The following CYP19A1 variants were observed in gnomAD, a reference collection of about 807,000 sequenced individuals.
CYP19A1 encodes the protein aromatase.
Under a neutral mutation model 44.4 loss-of-function variants are expected in CYP19A1, and 32 were observed. The observed-to-expected ratio is 0.72, with a 90% CI of 0.54 to 0.97. CYP19A1 has a LOEUF of 0.97. CYP19A1 is among the 50% of genes least tolerant of loss of function. The pLI is 0.00. For missense variants in CYP19A1, 598 were observed against 637.8 expected (o/e 0.94, Z 0.67); for synonymous variants, 212 against 215.6 (o/e 0.98, Z 0.14).
At chr15:51,237,659 T>C (rs2033492130) in intron 2 of CYP19A1, among the ~76,000 whole-genome samples, 1 of 152,232 alleles carries the variant, frequency 6.6e-6, no homozygotes, top group Non-Finnish European at 1.5e-5. Context: ...AATGGGTCTT[T>C]GAACCTCTAG....
At chr15:51,306,246 C>G (rs2036213442) in intron 1 of CYP19A1, among the ~76,000 whole-genome samples, 1 of 152,148 alleles carries the variant, frequency 6.6e-6, no homozygotes, top group Non-Finnish European at 1.5e-5. Context: ...CGGGTACACA[C>G]AAGCACTGCC....
At chr15:51,286,740 G>A (rs1206956485) in intron 1 of CYP19A1, among the ~76,000 whole-genome samples, 2 of 152,142 alleles carry the variant, frequency 1.3e-5, no homozygotes, top group African/African-American at 2.4e-5. Flanking sequence ...CTGCAGATCT[G>A]TTGCTTTGTA....
rs140447467 is a variant in CYP19A1 at position 51,313,425 on chromosome 15, C to G, written c.-39+25070G>C. On this transcript the variant is annotated intron_variant, in intron 1 of 9. Transcript: ENST00000396402. ...GGAGCCATGTTCTTATGGCATGGAG[C>G]CTGCAGAAGGGGCTGAGAAAATAGA... is the stretch of plus-strand genomic sequence containing the variant. Among the ~76,000 whole-genome samples the G allele has an allele frequency of 4.3e-3, 657 of 152,240 alleles. 2 individuals carry two copies. Among genetic ancestry groups the G allele is most frequent in the African/African-American group, 0.015 (631 of 41,558 alleles).
chr15:51,283,223 TGAAA>T (rs2035587014), intron 1 of CYP19A1, among the ~76,000 whole-genome samples: 1 of 152,084 alleles, frequency 6.6e-6, no homozygotes, highest in East Asian at 1.9e-4. Context: ...AAAGGGAAAC[TGAAA>T]GAAGTATGTT....
intron 1 of CYP19A1, among the ~76,000 whole-genome samples, chr15:51,286,144 G>C (rs1213737139): frequency 6.6e-6 from 1 of 152,162 alleles, no homozygotes; most frequent in Non-Finnish European, 1.5e-5. Context: ...CTCTCCAGGA[G>C]AAGTCATCTA....
intron 1 of CYP19A1, among the ~76,000 whole-genome samples, chr15:51,305,985 TG>T: frequency 6.6e-6 from 1 of 152,268 alleles, no homozygotes; most frequent in African/African-American, 2.4e-5. Context: ...TATGAGAAGC[TG>T]GGAAGCAAAA....
At chr15:51,317,433 T>G (rs921726919) in intron 1 of CYP19A1, among the ~76,000 whole-genome samples, 1 of 152,226 alleles carries the variant, frequency 6.6e-6, no homozygotes, top group Non-Finnish European at 1.5e-5. Context: ...TCTAACTTGC[T>G]AAATAAATAT....
chr15:51,273,935 A>G (rs1009293419), intron 1 of CYP19A1, among the ~76,000 whole-genome samples: 1 of 152,144 alleles, frequency 6.6e-6, no homozygotes, highest in Non-Finnish European at 1.5e-5. Context: ...TGAACCCGAG[A>G]GACGGAGGTT....
intron 1 of CYP19A1, among the ~76,000 whole-genome samples, chr15:51,273,341 C>G (rs2035196194): frequency 6.6e-6 from 1 of 152,170 alleles, no homozygotes; most frequent in East Asian, 1.9e-4. Flanking sequence ...AACACTGAAC[C>G]TTACATGTTT....
At chr15:51,328,330 C>T (rs554599164) in intron 1 of CYP19A1, among the ~76,000 whole-genome samples, 1 of 152,140 alleles carries the variant, frequency 6.6e-6, no homozygotes, top group Non-Finnish European at 1.5e-5. Context: ...TTGAGCAGGA[C>T]ATTTGAAAGT....
chr15:51,329,620 C>T (rs976934310), intron 1 of CYP19A1, among the ~76,000 whole-genome samples: 5 of 152,228 alleles, frequency 3.3e-5, no homozygotes, highest in African/African-American at 1.2e-4. Context: ...AACCATCTGT[C>T]AGTGGGCAGA....
In CYP19A1 at chr15:51,229,518, A is replaced by G. The variant is rs140755269; in HGVS notation, c.297-1585T>C. Reference sequence around the variant, plus strand: ...GATCTGATTCCAGATAATATTCATCAAATAATCCTAAGTTTTGGACATGTT... The same window carrying G: ...GATCTGATTCCAGATAATATTCATCGAATAATCCTAAGTTTTGGACATGTT... On this transcript the variant is annotated intron_variant, in intron 3 of 9. Coordinates refer to ENST00000396402, the MANE Select transcript of CYP19A1 (RefSeq NM_000103.4). 5.6e-3 allele frequency among the ~76,000 whole-genome samples: 856 copies of G among 152,126 alleles called. 13 individuals are homozygous for G. Among genetic ancestry groups the G allele is most frequent in the African/African-American group, 0.02 (816 of 41,542 alleles).
At chr15:51,224,600 C>T (rs1467195822) in intron 4 of CYP19A1, among the ~76,000 whole-genome samples, 1 of 152,240 alleles carries the variant, frequency 6.6e-6, no homozygotes, top group African/African-American at 2.4e-5. Context: ...GCCTCCCCTC[C>T]ACCCTTCCTG....
Position 51,215,694 on chromosome 15 carries a change from G to GGTCA in CYP19A1, c.858+5_858+8dup. On this transcript the variant is annotated intron_variant, in intron 7 of 9. Coordinates refer to ENST00000396402, the MANE Select transcript of CYP19A1 (RefSeq NM_000103.4). ...TGGCATGGGAATTACAGTTAGTTCA[G>GGTCA]GTCAGTACCTCTGCTAAAATCAACT... is the stretch of plus-strand genomic sequence containing the variant. The GGTCA allele has an allele frequency of 6.2e-7, 1 of 1,613,900 alleles. No homozygotes were observed. The highest frequency in any genetic ancestry group is 8.5e-7 in the Non-Finnish European group (1 of 1,179,922).
intron 1 of CYP19A1, among the ~76,000 whole-genome samples, chr15:51,322,811 T>C (rs1002512495): frequency 1.3e-5 from 2 of 152,334 alleles, no homozygotes; most frequent in Middle Eastern, 3.4e-3. Context: ...CCTCTCAGTT[T>C]CTCTCCCATT....
intron 1 of CYP19A1, among the ~76,000 whole-genome samples, chr15:51,293,269 T>G (rs566440526): frequency 6.6e-6 from 1 of 152,254 alleles, no homozygotes; most frequent in African/African-American, 2.4e-5. Context: ...AAAATATTAA[T>G]AAGTAAAAGA....
intron 1 of CYP19A1, among the ~76,000 whole-genome samples, chr15:51,282,865 G>C (rs2035572729): frequency 6.6e-6 from 1 of 152,158 alleles, no homozygotes; most frequent in Non-Finnish European, 1.5e-5. Flanking sequence ...CAAATATTCT[G>C]CTTATTTAAG....
chr15:51,240,794 G>T (rs531340658), intron 2 of CYP19A1, among the ~76,000 whole-genome samples: 2 of 152,300 alleles, frequency 1.3e-5, no homozygotes, highest in South Asian at 4.1e-4. Context: ...TTTCTGTCCA[G>T]CTGGGGAGAT....
chr15:51,283,285 C>T (rs886485479), intron 1 of CYP19A1, among the ~76,000 whole-genome samples: 1 of 152,220 alleles, frequency 6.6e-6, no homozygotes, highest in Non-Finnish European at 1.5e-5. Flanking sequence ...ATGGCCACCT[C>T]TTCTCTCTCC....
Sources: gnomAD v4.1 joint callset for allele counts (sites outside exome capture counted in the v4.1 genomes callset) on GRCh38, gnomAD v4.1.1 for gene constraint, MANE v1.5 for transcripts, NCBI Gene and HGNC (gene_info 2026-07-23, HGNC 2026-07-21) for gene names.